Variants in PNPLA7 observed in about 807,000 individuals in gnomAD.
The protein encoded by PNPLA7 is patatin like domain 7, lysophospholipase.
PNPLA7 carries 153 observed loss-of-function variants against 161.7 expected under a neutral mutation model. The ratio of observed to expected loss-of-function variants is 0.95; its 90% CI spans 0.83 to 1.08. The LOEUF is 1.08. Ranked by LOEUF, PNPLA7 falls within the 50% of genes least tolerant of loss-of-function variation. PNPLA7 has a pLI of 0.00. For missense variants in PNPLA7, 1,739 were observed against 1,856.6 expected (o/e 0.94, Z 1.16); for synonymous variants, 809 against 782.1 (o/e 1.03, Z -0.57).
At chr9:137,461,699 C>G in intron 32 of PNPLA7, 79 bp from the exon 33 acceptor site, 4 of 1,430,186 alleles carry the variant, frequency 2.8e-6, no homozygotes, top group Non-Finnish European at 3.8e-6. Flanking sequence ...TGGGGAGGCC[C>G]CACCCACCCT....
Position 137,502,304 on chromosome 9 carries a change from C to T in PNPLA7, c.1474-577G>A, listed in dbSNP as rs563606432. On this transcript the variant is annotated intron_variant, in intron 14 of 34. Coordinates refer to ENST00000406427, the MANE Select transcript of PNPLA7 (RefSeq NM_001098537.3). ...AGGTTTGAAACATCAGGTGTGTAAA[C>T]CCCCAGTCCACAGTGATGATGAAAT... Among the ~76,000 whole-genome samples the T allele has an allele frequency of 3.9e-5, 6 of 152,230 alleles. No individual in the cohort carries two copies. The East Asian group carries it at 5.9e-4, about 15-fold the overall frequency.
rs1325792652 is a variant in PNPLA7, at chr9:137,500,936, G to A, written c.1552-40C>T. The A allele has an allele frequency of 1.0e-5, 16 of 1,527,392 alleles. No homozygotes were observed. Among genetic ancestry groups the A allele is most frequent in the Admixed American group, 7.9e-5 (4 of 50,726 alleles). 94.6% of individuals were successfully genotyped at this position (1,527,392 alleles called of 1,614,324 possible). On this transcript the variant is annotated intron_variant, in intron 15 of 34. Coordinates refer to ENST00000406427, the MANE Select transcript of PNPLA7 (RefSeq NM_001098537.3). This position sits in a 1 kb window ranked among gnomAD's most constrained non-coding sequence, Gnocchi z 5.5. ...GGCTCAGGAGGCGCCGCGAGTGGCC[G>A]CGGGCAGGACGGGGGCAGCTCTGGG...
chr9:137,467,454 C>T lies in PNPLA7; in HGVS notation c.2902G>A (p.Val968Ile), dbSNP rs747546969. The T allele has an allele frequency of 3.7e-5, 59 of 1,613,030 alleles. No individual in the cohort carries two copies. Among genetic ancestry groups the T allele is most frequent in the African/African-American group, 1.3e-4 (10 of 74,940 alleles). ...CCGCACTCCGCCAAGGCCTTGAGAA[C>T]GCCCACCTGGGCACAGCCTCTACAC... is the stretch of plus-strand genomic sequence containing the variant. Reference protein sequence around the residue: ...GGARGCAQVGVLKALAECGIP... With the variant: ...GGARGCAQVGILKALAECGIP... The change falls in exon 26 of 35, where the codon GTT becomes ATT. Residue 968 changes from valine to isoleucine, a missense_variant. By Grantham distance (29) the Val-to-Ile change is conservative. Transcript: ENST00000406427. The surrounding 1 kb of genome is among the most constrained non-coding windows in gnomAD (Gnocchi z 5.1).
Position 137,463,540 on chromosome 9 carries a change from G to A in PNPLA7, c.3227-9C>T, listed in dbSNP as rs1270982166. Reference sequence around the variant, plus strand: ...GTACCACCACAGGGAGCCTGGGGAGGGGGCCCGGAGCTGCTGGTTACCCGG... The same window carrying A: ...GTACCACCACAGGGAGCCTGGGGAGAGGGCCCGGAGCTGCTGGTTACCCGG... On this transcript the variant is annotated splice_polypyrimidine_tract_variant and intron_variant, in intron 28 of 34. Coordinates refer to ENST00000406427, the MANE Select transcript of PNPLA7 (RefSeq NM_001098537.3). 2 of 1,564,486 alleles carry A rather than the reference G, an allele frequency of 1.3e-6. No individual in the cohort carries two copies. The highest frequency in any genetic ancestry group is 1.2e-5 in the South Asian group (1 of 85,664).
rs964330119 is a variant in PNPLA7 at position 137,499,021 on chromosome 9, G to C, written c.1758-776C>G. 2.2e-4 allele frequency among the ~76,000 whole-genome samples: 33 copies of C among 152,254 alleles called. No homozygotes were observed. Among genetic ancestry groups the C allele is most frequent in the Non-Finnish European group, 4.9e-4 (33 of 68,002 alleles). ...GTGGCTGGGTGAGGGCGTGAAGGGCGTGAGCGTGGCACTTAGAGCCCTGGG... is the reference window on the plus strand; with the variant it reads ...GTGGCTGGGTGAGGGCGTGAAGGGCCTGAGCGTGGCACTTAGAGCCCTGGG... On this transcript the variant is annotated intron_variant, in intron 16 of 34. Transcript: ENST00000406427. This position sits in a 1 kb window ranked among gnomAD's most constrained non-coding sequence, Gnocchi z 5.5.
At position 137,521,729 on chromosome 9, in the gene PNPLA7, G is replaced by T; in HGVS notation, c.877-13C>A. The T allele has an allele frequency of 6.2e-7, 1 of 1,606,742 alleles. No homozygotes were observed. The highest frequency in any genetic ancestry group is 1.1e-5 in the South Asian group (1 of 90,884). ...GCACCATGATGATCTGCAAGAACACGCCAGCTGCGCGGTGACCACCGGCCT... is the reference window on the plus strand; with the variant it reads ...GCACCATGATGATCTGCAAGAACACTCCAGCTGCGCGGTGACCACCGGCCT... On this transcript the variant is annotated splice_polypyrimidine_tract_variant and intron_variant, in intron 9 of 34. Transcript: ENST00000406427.
At position 137,525,939 on chromosome 9, in the gene PNPLA7, C is replaced by T. The variant is rs921551474; in HGVS notation, c.748-3082G>A. On this transcript the variant is annotated intron_variant, in intron 8 of 34. Coordinates refer to ENST00000406427, the MANE Select transcript of PNPLA7 (RefSeq NM_001098537.3). ...CAGAAGGCTCACACTTGTCTTTGGT[C>T]GCTTCTCACCATGTCCCTTCAGCTC... 1.0e-3 allele frequency among the ~76,000 whole-genome samples: 152 copies of T among 149,432 alleles called. 1 individual carries two copies. Among genetic ancestry groups the T allele is most frequent in the Admixed American group, 2.2e-3 (33 of 14,916 alleles).
chr9:137,523,470 G>C lies in PNPLA7; in HGVS notation c.748-613C>G, dbSNP rs761877923. Among the ~76,000 whole-genome samples, 1 of 152,234 alleles carries C rather than the reference G, an allele frequency of 6.6e-6. No homozygotes were observed. Among genetic ancestry groups the C allele is most frequent in the African/African-American group, 2.4e-5 (1 of 41,458 alleles). ...CCCAGGAAAAGCCCCAGTGAGTGACGTGGTTTCCATCTTCTAGAAATTGGT... is the reference window on the plus strand; with the variant it reads ...CCCAGGAAAAGCCCCAGTGAGTGACCTGGTTTCCATCTTCTAGAAATTGGT... On this transcript the variant is annotated intron_variant, in intron 8 of 34. Transcript: ENST00000406427. This position sits in a 1 kb window ranked among gnomAD's most constrained non-coding sequence, Gnocchi z 4.4.
At position 137,468,811 on chromosome 9, in the gene PNPLA7, A is replaced by T. The variant is rs1447183683; in HGVS notation, c.2883-1338T>A. ...GACATTGTAACAACATTGTATCATT[A>T]ATTATATTAATATGATATATTAATA... On this transcript the variant is annotated intron_variant, in intron 25 of 34. Coordinates refer to ENST00000406427, the MANE Select transcript of PNPLA7 (RefSeq NM_001098537.3). This position sits in a 1 kb window ranked among gnomAD's most constrained non-coding sequence, Gnocchi z 4.0. 1.3e-5 allele frequency among the ~76,000 whole-genome samples: 2 copies of T among 152,160 alleles called. No homozygotes were observed. The highest frequency in any genetic ancestry group is 2.9e-5 in the Non-Finnish European group (2 of 68,038).
In PNPLA7 at chr9:137,547,346, G is replaced by A. The variant is rs1271073626; in HGVS notation, c.156C>T (p.Val52=). The A allele has an allele frequency of 3.7e-6, 6 of 1,613,550 alleles. No homozygotes were observed. The highest frequency in any genetic ancestry group is 2.2e-5 in the East Asian group (1 of 44,872). ...GCCTTCTGAACATGAAAAGGATGAG[G>A]ACACCAACCAAGGCCAGGGCCAGGA... ...GALLALALVG[V]LILFMFRRLR... The change falls in exon 3 of 35, where the codon GTC becomes GTT. Residue 52 remains valine (V), a synonymous_variant. Coordinates refer to ENST00000406427, the MANE Select transcript of PNPLA7 (RefSeq NM_001098537.3). The surrounding 1 kb of genome is among the most constrained non-coding windows in gnomAD (Gnocchi z 4.6).
chr9:137,465,784 C>G lies in PNPLA7; in HGVS notation c.3040-1328G>C, dbSNP rs543453431. Among the ~76,000 whole-genome samples, 8 of 152,202 alleles carry G rather than the reference C, an allele frequency of 5.3e-5. No homozygotes were observed. The East Asian group carries it at 7.7e-4, about 15-fold the overall frequency. ...TTCCTTTTAAAAGGAGAACACGAAC[C>G]CTTCTGATCCCACTCATGGCTCCAA... is the stretch of plus-strand genomic sequence containing the variant. On this transcript the variant is annotated intron_variant, in intron 26 of 34. Transcript: ENST00000406427.
chr9:137,497,308 T>C lies in PNPLA7; in HGVS notation c.1892A>G (p.Gln631Arg), dbSNP rs1308483631. 4.5e-6 allele frequency: 7 copies of C among 1,565,912 alleles called. No individual in the cohort carries two copies. The South Asian group carries it at 7.1e-5, about 16-fold the overall frequency. The change falls in exon 18 of 35, where the codon CAG (glutamine) becomes CGG (arginine). Residue 631 changes from glutamine to arginine, a missense_variant and splice_region_variant. Physicochemically the swap from Gln to Arg is conservative, Grantham distance 43. Around this residue, in one of 6 missense-constraint regions of PNPLA7, gnomAD observed 481 missense variants for 450.0 expected, o/e 1.07. Transcript: ENST00000406427. The stretch of plus-strand genomic sequence containing the variant: ...GTACGTGCAGTCGGACTTGTCCCCC[T>C]GCCTGCGGAAGACACAGAGGCCCTG... ...EVEAGRAIYR[Q>R]GDKSDCTYIM...
intron 25 of PNPLA7, among the ~76,000 whole-genome samples, chr9:137,469,809 G>A (rs758404409): frequency 7.2e-5 from 11 of 152,186 alleles, no homozygotes; most frequent in Non-Finnish European, 1.5e-4. Context: ...TCAAGGAAAT[G>A]AAAGAGAGAA....
intron 20 of PNPLA7, among the ~76,000 whole-genome samples, chr9:137,489,191 G>A (rs1430170402): frequency 2.6e-5 from 4 of 152,224 alleles, no homozygotes; most frequent in African/African-American, 9.7e-5. Context: ...TAATGAAGAC[G>A]CAGCCTGTGC....
At chr9:137,516,844 T>C (rs1016308601) in intron 11 of PNPLA7, among the ~76,000 whole-genome samples, 2 of 150,260 alleles carry the variant, frequency 1.3e-5, no homozygotes, top group Non-Finnish European at 1.5e-5. Context: ...ATTATTATTA[T>C]TATTATAAAA....
At chr9:137,480,049 C>T (rs1787326406) in intron 23 of PNPLA7, among the ~76,000 whole-genome samples, 1 of 152,232 alleles carries the variant, frequency 6.6e-6, no homozygotes, top group Non-Finnish European at 1.5e-5. Flanking sequence ...AGGCTTCCCG[C>T]ACCTGCTGTA....
rs138297015 is a variant in PNPLA7 at position 137,487,720 on chromosome 9, C to T, written c.2198-2984G>A. 8.5e-5 allele frequency among the ~76,000 whole-genome samples: 13 copies of T among 152,388 alleles called. No individual in the cohort carries two copies. The East Asian group carries it at 2.5e-3, about 29-fold the overall frequency. ...CCTCTGCTCCTCTGGGGGAACCAGC[C>T]ACACCGGCACGGAACCGGCTGTGCC... On this transcript the variant is annotated intron_variant, in intron 20 of 34. Transcript: ENST00000406427.
chr9:137,544,492 T>G (rs1034257868), intron 4 of PNPLA7, among the ~76,000 whole-genome samples: 6 of 152,196 alleles, frequency 3.9e-5, no homozygotes, highest in Non-Finnish European at 8.8e-5. Context: ...CCCTACGCCC[T>G]GTCCCGGCCG....
intron 25 of PNPLA7, among the ~76,000 whole-genome samples, chr9:137,471,597 CAAAA>C: frequency 9.5e-6 from 1 of 105,710 alleles, no homozygotes; most frequent in African/African-American, 3.3e-5. Flanking sequence ...GACTCCGTCT[CAAAA>C]AAAAAAAAAA....
Sources: gnomAD v4.1 joint callset for allele counts (sites outside exome capture counted in the v4.1 genomes callset) on GRCh38, gnomAD v4.1.1 for gene constraint, gnomAD v4.1.1 regional missense constraint, Gnocchi (gnomAD v3.1) non-coding constraint, MANE v1.5 for transcripts, NCBI Gene and HGNC (gene_info 2026-07-23, HGNC 2026-07-21) for gene names.